The following ODAD4 variants were observed in gnomAD, a reference collection of about 807,000 sequenced individuals.
ODAD4 encodes outer dynein arm docking complex subunit 4, also known as outer dynein arm-docking complex subunit 4.
ODAD4 carries 49 observed loss-of-function variants against 51.8 expected under a neutral mutation model. The ratio of observed to expected loss-of-function variants is 0.95; its 90% confidence interval spans 0.75 to 1.20. ODAD4 has a LOEUF of 1.20. ODAD4 is among the 50% of genes most tolerant of loss of function. The probability of loss-of-function intolerance (pLI) is 0.00; values close to 1 mark genes in which losing one functional copy is unlikely to be tolerated. For missense variants in ODAD4, 590 were observed against 586.5 expected (o/e 1.01, Z -0.06); for synonymous variants, 235 against 221.3 (o/e 1.06, Z -0.55).
At chr17:41,948,834 G>T (rs2144517592) in intron 8 of ODAD4, among the ~76,000 whole-genome samples, 1 of 152,160 alleles carries the variant, frequency 6.6e-6, no homozygotes, top group East Asian at 1.9e-4. Context: ...GACAGACAGG[G>T]TTTTGCCAGC....
intron 4 of ODAD4, 83 bp downstream of exon 4, chr17:41,936,617 C>T: frequency 6.6e-7 from 1 of 1,512,202 alleles, no homozygotes; most frequent in Non-Finnish European, 9.2e-7. Flanking sequence ...AGTCTAGCTG[C>T]AACCTGACCA....
chr17:41,935,080 C>A, intron 1 of ODAD4, 137 bp from the exon 2 acceptor site: 1 of 1,007,538 alleles, frequency 9.9e-7, no homozygotes, highest in Non-Finnish European at 1.4e-6. Context: ...CTGAAGAATC[C>A]CCTTGATTCT....
At position 41,954,576 on chromosome 17, in the gene ODAD4, G is replaced by A. The variant is rs367860834; in HGVS notation, c.1343-641G>A. On this transcript the variant is annotated intron_variant, in intron 9 of 11. Transcript: ENST00000377540. ...ATTTAAAAAATATGAATTTCTGGCC[G>A]AGCGGTGGCTCACACCTGTAATCCC... 7.2e-5 allele frequency among the ~76,000 whole-genome samples: 11 copies of A among 151,938 alleles called. No individual in the cohort carries two copies. In the East Asian group the frequency reaches 1.5e-3, roughly 21 times the overall value.
In ODAD4 at chr17:41,938,626, T is replaced by A. The variant is rs1555638199; in HGVS notation, c.695T>A (p.Leu232Gln). The change falls in exon 6 of 12, where the codon CTG (leucine) becomes CAG (glutamine). Residue 232 changes from leucine (L) to glutamine (Q), a missense_variant. Coordinates refer to ENST00000377540, the MANE Select transcript of ODAD4 (RefSeq NM_031421.5). ...EDLIMTGINY[L>Q]DTHSNFWRQQ... is the part of the protein sequence containing the mutation. ...CTCATCATGACGGGCATCAACTACC[T>A]GGATACTCACAGCAACTTCTGGAGG... 2 of 1,613,926 alleles carry A rather than the reference T, an allele frequency of 1.2e-6. No homozygotes were observed. Among genetic ancestry groups the A allele is most frequent in the South Asian group, 1.1e-5 (1 of 91,082 alleles).
intron 10 of ODAD4, among the ~76,000 whole-genome samples, chr17:41,958,301 T>G (rs2050759428): frequency 6.6e-6 from 1 of 152,158 alleles, no homozygotes; most frequent in Non-Finnish European, 1.5e-5. Flanking sequence ...GTCCACGTTG[T>G]GCACTTGTAA....
At position 41,955,330 on chromosome 17, in the gene ODAD4, A is replaced by T. The variant is rs782712542; in HGVS notation, c.1443+13A>T. 1 of 766,748 alleles carries T rather than the reference A, an allele frequency of 1.3e-6. No individual in the cohort carries two copies. Among genetic ancestry groups the T allele is most frequent in the Non-Finnish European group, 2.4e-6 (1 of 411,928 alleles). The allele number at this position is 766,748 out of a possible 1,614,324, so 47.5% of individuals were successfully genotyped here. On this transcript the variant is annotated intron_variant, in intron 10 of 11. Coordinates refer to ENST00000377540, the MANE Select transcript of ODAD4 (RefSeq NM_031421.5). ...GGCCATCATCAGTGTGAGCCTTTCC[A>T]CCCGCCGGGCTTCGGGTGTCAGGAG... is the stretch of plus-strand genomic sequence containing the variant.
At chr17:41,944,433 CACACACA>C (rs1567933055) in intron 7 of ODAD4, among the ~76,000 whole-genome samples, 191 of 5,700 alleles carry the variant, frequency 0.034, 7 homozygotes, top group African/African-American at 0.051. Flanking sequence ...CACACACACA[CACACACA>C]CACACCCCCC....
chr17:41,952,537 C>T (rs1182608740), intron 9 of ODAD4: 1 of 253,008 alleles, frequency 4.0e-6, no homozygotes, highest in African/African-American at 5.4e-5. Context: ...CTGACCCTCA[C>T]TCCAAAAAAA....
At chr17:41,931,698 C>G (rs571367263) in intron 1 of ODAD4, among the ~76,000 whole-genome samples, 1 of 151,826 alleles carries the variant, frequency 6.6e-6, no homozygotes. Context: ...TGTCCCACCA[C>G]GCCTGGCTAA....
intron 1 of ODAD4, among the ~76,000 whole-genome samples, chr17:41,933,584 G>A (rs964723620): frequency 7.9e-5 from 12 of 152,108 alleles, no homozygotes; most frequent in East Asian, 1.9e-4. Flanking sequence ...CCCGGGAGGC[G>A]GAGGTTGCAG....
chr17:41,932,136 C>T (rs2050353196), intron 1 of ODAD4, among the ~76,000 whole-genome samples: 1 of 152,182 alleles, frequency 6.6e-6, no homozygotes, highest in Admixed American at 6.5e-5. Flanking sequence ...GTGGCGCAAT[C>T]TCGGCTCACC....
At chr17:41,936,407 A>T (rs2050427106) in intron 3 of ODAD4, 66 bp from the exon 4 acceptor site, 1 of 1,202,530 alleles carries the variant, frequency 8.3e-7, no homozygotes, top group Non-Finnish European at 1.2e-6. Flanking sequence ...ATTTCTACAT[A>T]AAAATATGTG....
chr17:41,957,592 A>G (rs2050750339), intron 10 of ODAD4, among the ~76,000 whole-genome samples: 2 of 152,102 alleles, frequency 1.3e-5, no homozygotes, highest in African/African-American at 4.8e-5. Flanking sequence ...TGATTTCCTC[A>G]TTCTCTTGCC....
chr17:41,947,677 C>G (rs1390699257), intron 8 of ODAD4, among the ~76,000 whole-genome samples: 7 of 151,922 alleles, frequency 4.6e-5, no homozygotes, highest in African/African-American at 1.7e-4. Flanking sequence ...CTCCTGTAAT[C>G]CCAGCTACTC....
At position 41,952,794 on chromosome 17, in the gene ODAD4, G is replaced by A. The variant is rs1371496570; in HGVS notation, c.1343-2423G>A. On this transcript the variant is annotated intron_variant, in intron 9 of 11. Transcript: ENST00000377540. ...CACCCAGACTTTAGTGCAGTGTCAC[G>A]TCCCTGCATTCATGGCTCACTGCAG... 1.0e-4 allele frequency: 37 copies of A among 352,676 alleles called. 1 individual carries two copies. Among genetic ancestry groups the A allele is most frequent in the Middle Eastern group, 1.0e-3 (1 of 982 alleles). The allele number at this position is 352,676 out of a possible 1,614,324, so 21.8% of individuals were successfully genotyped here.
chr17:41,934,482 G>A (rs1555637422), intron 1 of ODAD4, among the ~76,000 whole-genome samples: 1 of 151,936 alleles, frequency 6.6e-6, no homozygotes, highest in African/African-American at 2.4e-5. Context: ...CTCCTGAGTA[G>A]CTGGGACTAC....
At position 41,965,981 on chromosome 17, in the gene ODAD4, T is replaced by C. The variant is rs528584425; in HGVS notation, c.*498T>C. On this transcript the variant is annotated 3_prime_UTR_variant, in exon 12 of 12. Coordinates refer to ENST00000377540, the MANE Select transcript of ODAD4 (RefSeq NM_031421.5). ...GGGAGTGAGGCCAAAGATAGGGGAG[T>C]GGCCTGGGAGTCGGGAGGGCAGACA... is the stretch of plus-strand genomic sequence containing the variant. Among the ~76,000 whole-genome samples the C allele has an allele frequency of 1.4e-4, 21 of 151,404 alleles. No individual in the cohort carries two copies. Among genetic ancestry groups the C allele is most frequent in the Admixed American group, 1.4e-3 (21 of 15,208 alleles).
At position 41,939,016 on chromosome 17, in the gene ODAD4, T is replaced by G. The variant is rs782331232; in HGVS notation, c.902T>G (p.Leu301Arg). Residue 301 changes from leucine to arginine, a missense_variant, in exon 7 of 12, where the codon CTG becomes CGG. Transcript: ENST00000377540. ...AGTCTTCAGAAAGCTGAGAAAGTGC[T>G]GAAGAAGGTACTGGAATGGAACAAG... The part of the protein sequence containing the change: ...EGSLQKAEKV[L>R]KKVLEWNKEE... The G allele has an allele frequency of 6.2e-7, 1 of 1,613,220 alleles. No homozygotes were observed.
chr17:41,934,967 C>T (rs2050403673), intron 1 of ODAD4, among the ~76,000 whole-genome samples: 1 of 152,174 alleles, frequency 6.6e-6, no homozygotes, highest in Admixed American at 6.6e-5. Flanking sequence ...TCCACAATAG[C>T]CATGATTTGA....
Sources: gnomAD v4.1 joint callset for allele counts (sites outside exome capture counted in the v4.1 genomes callset) on GRCh38, gnomAD v4.1.1 for gene constraint, MANE v1.5 for transcripts, NCBI Gene and HGNC (gene_info 2026-07-23, HGNC 2026-07-21) for gene names.